Variants in HSPA12A observed in about 807,000 individuals in gnomAD.
The protein encoded by HSPA12A is heat shock protein family A (Hsp70) member 12A.
Under a neutral mutation model 69.2 loss-of-function variants are expected in HSPA12A, and 28 were observed. That is an observed-to-expected ratio of 0.40 (90% confidence interval 0.30 to 0.55). HSPA12A has a LOEUF of 0.55. Ranked by LOEUF, HSPA12A falls within the 20% of genes least tolerant of loss-of-function variation. The pLI is 0.38. For missense variants in HSPA12A, 686 were observed against 900.7 expected (o/e 0.76, Z 3.05); for synonymous variants, 345 against 370.5 (o/e 0.93, Z 0.79).
rs1849111655 is a variant in HSPA12A, at chr10:116,672,420, G to A, written c.*2361C>T. The A allele has an allele frequency of 6.6e-6, 1 of 152,218 alleles. No homozygotes were observed. Among genetic ancestry groups the A allele is most frequent in the African/African-American group, 2.4e-5 (1 of 41,442 alleles). 9.4% of individuals were successfully genotyped at this position (152,218 alleles called of 1,614,324 possible). On this transcript the variant is annotated 3_prime_UTR_variant, in exon 12 of 12. Transcript: ENST00000369209. ...TTTCAATGGAATCTGTGACTGTTTG[G>A]GAAGGATGTGCATGGAGAAGGGTCT...
chr10:116,788,866 A>ATT (rs34187640), intron 2 of HSPA12A, among the ~76,000 whole-genome samples: 6,446 of 138,624 alleles, frequency 0.046, 343 homozygotes, highest in African/African-American at 0.13. Context: ...CTACGCAGCT[A>ATT]TTTTTTTTTT....
intron 1 of HSPA12A, among the ~76,000 whole-genome samples, chr10:116,707,618 G>A (rs1850298495): frequency 6.6e-6 from 1 of 152,236 alleles, no homozygotes; most frequent in African/African-American, 2.4e-5. Context: ...TGGAGCCAGA[G>A]GCCAGGCTCC....
intron 2 of HSPA12A, among the ~76,000 whole-genome samples, chr10:116,786,515 G>A (rs1052463892): frequency 1.3e-5 from 2 of 151,914 alleles, no homozygotes; most frequent in African/African-American, 4.8e-5. Context: ...CTAAAGCATT[G>A]TTCTCACAGA....
At chr10:116,687,803 G>A (rs1564778075) in intron 6 of HSPA12A, among the ~76,000 whole-genome samples, 1 of 152,128 alleles carries the variant, frequency 6.6e-6, no homozygotes, top group Non-Finnish European at 1.5e-5. Flanking sequence ...GTGCCTCATG[G>A]TTACTACTCC....
chr10:116,725,564 C>T (rs1554884873), intron 1 of HSPA12A, among the ~76,000 whole-genome samples: 1 of 152,048 alleles, frequency 6.6e-6, no homozygotes, highest in East Asian at 1.9e-4. Flanking sequence ...AGAAAGGGGT[C>T]ACAAATTCTC....
At chr10:116,687,483 G>T (rs1589628678) in intron 6 of HSPA12A, among the ~76,000 whole-genome samples, 3 of 152,154 alleles carry the variant, frequency 2.0e-5, no homozygotes, top group South Asian at 2.1e-4. Context: ...GGTGAGAAGA[G>T]GCAGCGGACT....
chr10:116,821,626 G>A (rs1004407370), intron 2 of HSPA12A, among the ~76,000 whole-genome samples: 3 of 152,360 alleles, frequency 2.0e-5, no homozygotes, highest in Middle Eastern at 3.4e-3. Flanking sequence ...ATCCAGTGCT[G>A]CATAATGTGT....
At chr10:116,800,439 G>C (rs575766544) in intron 2 of HSPA12A, among the ~76,000 whole-genome samples, 6 of 152,120 alleles carry the variant, frequency 3.9e-5, no homozygotes, top group Non-Finnish European at 5.9e-5. Context: ...CCTGCTCCTA[G>C]ACCCCACTGT....
In HSPA12A at chr10:116,701,091, T is replaced by C; in HGVS notation, c.293A>G (p.Lys98Arg). Residue 98 changes from lysine (K) to arginine (R), a missense_variant, in exon 4 of 12, where the codon AAG becomes AGG. Physicochemically the swap from Lys to Arg is conservative, Grantham distance 26. Transcript: ENST00000369209. The stretch of plus-strand genomic sequence containing the variant: ...AGTCAGCAAGATGGTGGTTGGAGTC[T>C]TCTGATTGGACACACCAGGGTCACC... ...EGGDPGVSNQ[K>R]TPTTILLTPE... 1 of 1,614,120 alleles carries C rather than the reference T, an allele frequency of 6.2e-7. No individual in the cohort carries two copies. Among genetic ancestry groups the C allele is most frequent in the Non-Finnish European group, 8.5e-7 (1 of 1,180,030 alleles).
intron 6 of HSPA12A, among the ~76,000 whole-genome samples, chr10:116,688,879 T>C (rs902803694): frequency 8.5e-5 from 13 of 152,296 alleles, no homozygotes; most frequent in South Asian, 4.1e-4. Context: ...TTCAGAACAG[T>C]CTCCAGTTCT....
chr10:116,703,136 T>A (rs942226056), intron 3 of HSPA12A, among the ~76,000 whole-genome samples: 9 of 152,198 alleles, frequency 5.9e-5, no homozygotes, highest in African/African-American at 2.2e-4. Context: ...TGGAAAGAGA[T>A]TCCTGGTGGC....
chr10:116,738,082 T>C lies in HSPA12A; in HGVS notation c.40+4348A>G, dbSNP rs6585413. ...TATGCACAGCAGTAATAAAGATGCT[T>C]TCTCCCTTACCAAAGAGGCCTATTT... On this transcript the variant is annotated intron_variant, in intron 1 of 11. Transcript: ENST00000369209. Among the ~76,000 whole-genome samples, 430 of 152,338 alleles carry C rather than the reference T, an allele frequency of 2.8e-3. 1 individual carries two copies. Among genetic ancestry groups the C allele is most frequent in the African/African-American group, 9.1e-3 (378 of 41,578 alleles).
chr10:116,729,919 T>A lies in HSPA12A; in HGVS notation c.40+12511A>T, dbSNP rs558024433. On this transcript the variant is annotated intron_variant, in intron 1 of 11. Transcript: ENST00000369209. ...GAGTACCTCGTGTGTGCCCAGTGGG[T>A]GTTTTGAATAATAAAGATGGCCAGG... is the stretch of plus-strand genomic sequence containing the variant. Among the ~76,000 whole-genome samples the A allele has an allele frequency of 2.0e-5, 3 of 152,334 alleles. 1 individual carries two copies. In the South Asian group the frequency reaches 6.2e-4, roughly 32 times the overall value.
upstream of HSPA12A, among the ~76,000 whole-genome samples, chr10:116,745,678 C>T (rs1851632319): frequency 6.6e-6 from 1 of 152,168 alleles, no homozygotes; most frequent in Admixed American, 6.5e-5. Flanking sequence ...AGCCGATTCT[C>T]CTCTAGTTTT....
At chr10:116,694,757 G>A (rs1554880573) in intron 5 of HSPA12A, among the ~76,000 whole-genome samples, 1 of 152,146 alleles carries the variant, frequency 6.6e-6, no homozygotes, top group East Asian at 1.9e-4. Flanking sequence ...TGGGCCACCA[G>A]GCGCTGAGCC....
At chr10:116,786,504 T>A (rs772508007) in intron 2 of HSPA12A, among the ~76,000 whole-genome samples, 81 of 152,304 alleles carry the variant, frequency 5.3e-4, no homozygotes, top group Admixed American at 1.0e-3. Context: ...CTAAGAAATG[T>A]CTAAAGCATT....
At chr10:116,834,720 C>T (rs1205106817) in intron 2 of HSPA12A, among the ~76,000 whole-genome samples, 3 of 152,144 alleles carry the variant, frequency 2.0e-5, no homozygotes, top group African/African-American at 7.2e-5. Context: ...TTTCCTGACT[C>T]AAGGGTGCCT....
At chr10:116,693,157 G>A (rs782435213) in intron 5 of HSPA12A, among the ~76,000 whole-genome samples, 1 of 152,172 alleles carries the variant, frequency 6.6e-6, no homozygotes, top group Non-Finnish European at 1.5e-5. Context: ...GGTGGCAGCT[G>A]TCATCATTGT....
chr10:116,686,221 G>A lies in HSPA12A; in HGVS notation c.664-2259C>T, dbSNP rs558204463. Among the ~76,000 whole-genome samples the A allele has an allele frequency of 3.2e-4, 49 of 152,266 alleles. No individual in the cohort carries two copies. The highest frequency in any genetic ancestry group is 1.1e-3 in the African/African-American group (47 of 41,554). On this transcript the variant is annotated intron_variant, in intron 6 of 11. Transcript: ENST00000369209. This position sits in a 1 kb window ranked among gnomAD's most constrained non-coding sequence, Gnocchi z 4.1. ...TGGCTCTCACACGTATGGTGCCCTC[G>A]GGAAAGGTGAAACCTCTGAGCCTGG... is the stretch of plus-strand genomic sequence containing the variant.
Sources: gnomAD v4.1 joint callset for allele counts (sites outside exome capture counted in the v4.1 genomes callset) on GRCh38, gnomAD v4.1.1 for gene constraint, Gnocchi (gnomAD v3.1) non-coding constraint, MANE v1.5 for transcripts, NCBI Gene and HGNC (gene_info 2026-07-23, HGNC 2026-07-21) for gene names.